RBFOX1: variants seen among roughly 807,000 people sequenced by gnomAD.
The protein encoded by RBFOX1 is RNA binding protein fox-1 homolog 1.
Under a neutral mutation model 57.7 loss-of-function variants are expected in RBFOX1, and 8 were observed. The ratio of observed to expected loss-of-function variants is 0.14; its 90% confidence interval spans 0.08 to 0.25. RBFOX1 has a LOEUF of 0.25. RBFOX1 is among the 10% of genes least tolerant of loss of function. The pLI is 1.00. For synonymous variants in RBFOX1, 326 were observed against 222.4 expected (o/e 1.47, Z -4.15); for missense variants, 611 against 548.5 (o/e 1.11, Z -1.14).
At chr16:5,252,053 G>A (rs945999082) in intron 1 of RBFOX1, among the ~76,000 whole-genome samples, 4 of 152,158 alleles carry the variant, frequency 2.6e-5, no homozygotes, top group African/African-American at 4.8e-5. Flanking sequence ...GGAAGTGCAG[G>A]TCAGCATCCT....
intron 4 of RBFOX1, among the ~76,000 whole-genome samples, chr16:7,306,406 C>T (rs949709554): frequency 1.3e-5 from 2 of 152,144 alleles, no homozygotes; most frequent in Non-Finnish European, 2.9e-5. Context: ...TTGGCAGCCA[C>T]AACAAATATT....
At chr16:7,321,404 C>A (rs188658871) in intron 4 of RBFOX1, among the ~76,000 whole-genome samples, 2 of 152,228 alleles carry the variant, frequency 1.3e-5, no homozygotes, top group East Asian at 3.9e-4. Context: ...CCTCGGCCTC[C>A]CAAAGTGCTG....
intron 3 of RBFOX1, among the ~76,000 whole-genome samples, chr16:5,721,053 A>G (rs1256370833): frequency 6.6e-6 from 1 of 152,162 alleles, no homozygotes; most frequent in Non-Finnish European, 1.5e-5. Flanking sequence ...CTTCTAATCC[A>G]TGAATATGAA....
At chr16:6,967,567 C>T (rs1003085948) in intron 3 of RBFOX1, among the ~76,000 whole-genome samples, 5 of 152,086 alleles carry the variant, frequency 3.3e-5, no homozygotes, top group African/African-American at 1.2e-4. Flanking sequence ...TCTCCTACAC[C>T]TCTTTACATG....
chr16:7,686,142 A>C (rs2076015717), intron 14 of RBFOX1, among the ~76,000 whole-genome samples: 1 of 152,002 alleles, frequency 6.6e-6, no homozygotes, highest in South Asian at 2.1e-4. Flanking sequence ...TATTAGCAGC[A>C]GCAGCATCAC....
In RBFOX1 at chr16:6,960,466, G is replaced by C. The variant is rs138544586; in HGVS notation, c.-15-91591G>C. 3.3e-3 allele frequency among the ~76,000 whole-genome samples: 509 copies of C among 152,126 alleles called. 4 individuals carry two copies. The highest frequency in any genetic ancestry group is 0.012 in the African/African-American group (485 of 41,504). ...TAAACTCCCTTGTCTCCCAGTTCTC[G>C]TGTATGTTGTTATTGGGCCACGAGA... On this transcript the variant is annotated intron_variant, in intron 3 of 15. Coordinates refer to ENST00000550418, the MANE Select transcript of RBFOX1 (RefSeq NM_018723.4).
intron 4 of RBFOX1, among the ~76,000 whole-genome samples, chr16:6,011,589 G>T (rs1006120856): frequency 2.0e-5 from 3 of 152,072 alleles, no homozygotes; most frequent in Non-Finnish European, 4.4e-5. Context: ...CATGTCTCAG[G>T]CTTGGCATAG....
intron 4 of RBFOX1, among the ~76,000 whole-genome samples, chr16:7,104,715 A>C (rs2063277214): frequency 6.6e-6 from 1 of 152,130 alleles, no homozygotes; most frequent in Admixed American, 6.6e-5. Context: ...AGGACAATTA[A>C]CCAAGGAACT....
upstream of RBFOX1, among the ~76,000 whole-genome samples, chr16:6,017,399 T>G (rs1200365918): frequency 2.6e-5 from 4 of 152,196 alleles, no homozygotes; most frequent in African/African-American, 9.7e-5. Context: ...GCTAGACAAT[T>G]ACATTTAAAT....
chr16:7,155,713 ATAT>A (rs372081951), intron 4 of RBFOX1, among the ~76,000 whole-genome samples: 17,161 of 71,830 alleles, frequency 0.24, 3,157 homozygotes, highest in South Asian at 0.37. Context: ...AAAAAAAAAA[ATAT>A]ATATATATAT....
At chr16:6,513,493 G>GACT (rs2096296300) in intron 2 of RBFOX1, among the ~76,000 whole-genome samples, 1 of 152,146 alleles carries the variant, frequency 6.6e-6, no homozygotes, top group Non-Finnish European at 1.5e-5. Context: ...CATCACTTTG[G>GACT]GAGGTCGAGG....
At chr16:6,058,309 T>TCTTCCTCCCTCCTCTC (rs538640073) in intron 1 of RBFOX1, among the ~76,000 whole-genome samples, 4,623 of 149,998 alleles carry the variant, frequency 0.031, 229 homozygotes, top group East Asian at 0.25. Flanking sequence ...TCCCTCCTCT[T>TCTTCCTCCCTCCTCTC]CTTCCTCCCT....
chr16:7,046,341 A>G (rs1191231903), intron 3 of RBFOX1, among the ~76,000 whole-genome samples: 1 of 152,026 alleles, frequency 6.6e-6, no homozygotes, highest in Non-Finnish European at 1.5e-5. Context: ...GTTGTGTTAT[A>G]GGGATTATCA....
intron 2 of RBFOX1, among the ~76,000 whole-genome samples, chr16:6,538,414 C>G (rs2096764445): frequency 6.6e-6 from 1 of 152,242 alleles, no homozygotes; most frequent in Admixed American, 6.5e-5. Flanking sequence ...ATCACTTGAG[C>G]CTGTGAGGCC....
At chr16:6,992,327 C>G (rs1445286322) in intron 3 of RBFOX1, among the ~76,000 whole-genome samples, 1 of 152,132 alleles carries the variant, frequency 6.6e-6, no homozygotes, top group Non-Finnish European at 1.5e-5. Flanking sequence ...AAGCAATTCT[C>G]CTGCCTCAGC....
intron 3 of RBFOX1, among the ~76,000 whole-genome samples, chr16:6,810,389 A>C (rs2088177632): frequency 6.6e-6 from 1 of 152,170 alleles, no homozygotes; most frequent in Non-Finnish European, 1.5e-5. Flanking sequence ...AGGTAGGCAC[A>C]TAAACTAAGC....
At chr16:5,917,860 C>T (rs1004531222) in intron 4 of RBFOX1, among the ~76,000 whole-genome samples, 2 of 152,126 alleles carry the variant, frequency 1.3e-5, no homozygotes, top group African/African-American at 4.8e-5. Flanking sequence ...GGGTCTAGCC[C>T]CTGGTCCCCG....
In RBFOX1 at chr16:7,554,974, T is replaced by A. The variant is rs1876339; in HGVS notation, c.271-24803T>A. ...TAGAACACTAAGGAAATGAATATTA[T>A]GTTTATTATTTAGCATTTAGGTAGT... On this transcript the variant is annotated intron_variant, in intron 5 of 15. Transcript: ENST00000550418. 5.5e-3 allele frequency among the ~76,000 whole-genome samples: 837 copies of A among 152,260 alleles called. 4 individuals carry two copies. The highest frequency in any genetic ancestry group is 9.0e-3 in the Non-Finnish European group (612 of 68,020).
chr16:6,711,639 G>A (rs1168511356), intron 3 of RBFOX1, among the ~76,000 whole-genome samples: 3 of 152,066 alleles, frequency 2.0e-5, no homozygotes, highest in African/African-American at 2.4e-5. Context: ...TAAGTTTCTC[G>A]AGGCTTCCCC....
Sources: gnomAD v4.1 joint callset for allele counts (sites outside exome capture counted in the v4.1 genomes callset) on GRCh38, gnomAD v4.1.1 for gene constraint, MANE v1.5 for transcripts, NCBI Gene and HGNC (gene_info 2026-07-23, HGNC 2026-07-21) for gene names.